The following TEX10 variants were observed in gnomAD, a reference collection of about 807,000 sequenced individuals.
TEX10 encodes testis-expressed protein 10.
In TEX10, 24 loss-of-function variants were observed where a neutral mutation model predicts 104.4. The observed-to-expected ratio is 0.23, with a 90% CI of 0.17 to 0.32. The LOEUF is 0.32. Ranked by LOEUF, TEX10 falls within the 10% of genes least tolerant of loss-of-function variation. The pLI, the probability that TEX10 is intolerant of heterozygous loss-of-function variation, is 1.00. For missense variants in TEX10, 921 were observed against 1,083.9 expected, an observed-to-expected ratio of 0.85 and a Z score of 2.11; for synonymous variants, 396 against 393.4, an observed-to-expected ratio of 1.01 and a Z score of -0.08.
At chr9:100,307,192 T>C (rs139388474) in intron 13 of TEX10, 1 of 152,340 alleles carries the variant, frequency 6.6e-6, no homozygotes, top group Non-Finnish European at 1.5e-5. Flanking sequence ...GGCTAAGTTA[T>C]GGTACATGCA....
chr9:100,352,440 G>A, intron 1 of TEX10: 10 of 1,551,738 alleles, frequency 6.4e-6, no homozygotes, highest in Non-Finnish European at 8.7e-6. Flanking sequence ...GGAAACCATC[G>A]TTCCTCCTAC....
At chr9:100,315,175 A>G (rs1834385191) in intron 11 of TEX10, among the ~76,000 whole-genome samples, 1 of 152,148 alleles carries the variant, frequency 6.6e-6, no homozygotes. Context: ...GACCTACCAT[A>G]TGGTCTATCT....
At position 100,329,210 on chromosome 9, in the gene TEX10, C is replaced by G. The variant is rs1352777510; in HGVS notation, c.1555G>C (p.Val519Leu). 1 of 1,612,918 alleles carries G rather than the reference C, an allele frequency of 6.2e-7. No individual in the cohort carries two copies. The highest frequency in any genetic ancestry group is 1.3e-5 in the African/African-American group (1 of 74,870). Residue 519 changes from valine (V) to leucine (L), a missense_variant, in exon 7 of 15, where the codon GTT becomes CTT. Around this residue, in one of 3 missense-constraint regions of TEX10, gnomAD observed 753 missense variants for 868.4 expected, o/e 0.87. Coordinates refer to ENST00000374902, the MANE Select transcript of TEX10 (RefSeq NM_017746.4). ...LYQQRGLILP[V>L]RTLLLKFFSK... ...AAAAACTTCAATAACAAAGTCCGAACTGGAAGGATAAGGCCCCTCTGCTGA... is the reference window on the plus strand; with the variant it reads ...AAAAACTTCAATAACAAAGTCCGAAGTGGAAGGATAAGGCCCCTCTGCTGA...
Position 100,321,736 on chromosome 9 carries a change from T to A in TEX10, c.2015A>T (p.Asp672Val). Residue 672 changes from aspartate (D) to valine (V), a missense_variant, in exon 10 of 15, where the codon GAC becomes GTC. Transcript: ENST00000374902. ...ATAGTCTACATCACTCATCAACCAG[T>A]CTTTAGCTGAATACTTCCACCCAGA... ...SFSGWKYSAK[D>V]WLMSDVDYFS... 1 of 1,612,664 alleles carries A rather than the reference T, an allele frequency of 6.2e-7. No individual in the cohort carries two copies. Among genetic ancestry groups the A allele is most frequent in the East Asian group, 2.2e-5 (1 of 44,768 alleles).
At chr9:100,344,228 T>C (rs1443945177) in intron 4 of TEX10, among the ~76,000 whole-genome samples, 3 of 152,180 alleles carry the variant, frequency 2.0e-5, no homozygotes, top group African/African-American at 7.2e-5. Flanking sequence ...TCTTCAACAG[T>C]CTACGCAGTC....
intron 11 of TEX10, among the ~76,000 whole-genome samples, chr9:100,319,714 G>A (rs946681067): frequency 6.6e-6 from 1 of 152,124 alleles, no homozygotes; most frequent in African/African-American, 2.4e-5. Flanking sequence ...GCTGAGGCAG[G>A]AGAATCACTT....
At chr9:100,307,273 T>C (rs979763810) in intron 13 of TEX10, 10 of 152,238 alleles carry the variant, frequency 6.6e-5, no homozygotes, top group African/African-American at 2.2e-4. Flanking sequence ...TGGTAAGTAT[T>C]TGTAAATAGT....
intron 4 of TEX10, among the ~76,000 whole-genome samples, chr9:100,344,112 T>C (rs994635354): frequency 6.6e-6 from 1 of 152,234 alleles, no homozygotes; most frequent in African/African-American, 2.4e-5. Context: ...TTATTACAAA[T>C]CTGCCAAGGT....
At chr9:100,338,579 T>C (rs1174652347) in intron 5 of TEX10, among the ~76,000 whole-genome samples, 1 of 152,138 alleles carries the variant, frequency 6.6e-6, no homozygotes, top group Non-Finnish European at 1.5e-5. Context: ...ATTATTTACA[T>C]TAAATTCTCT....
At position 100,302,248 on chromosome 9, in the gene TEX10, G is replaced by A. The variant is rs7472; in HGVS notation, c.2733C>T (p.Phe911=). ...GGGGATGCCCAGTGATATACACGTTGAAGCAGTAATGTAAGTCTGTGAGCC... is the reference window on the plus strand; with the variant it reads ...GGGGATGCCCAGTGATATACACGTTAAAGCAGTAATGTAAGTCTGTGAGCC... ...EQWLTDLHYC[F]NVYITGHPQG... Residue 911 remains phenylalanine (F), a synonymous_variant, in exon 15 of 15, where the codon TTC becomes TTT. Transcript: ENST00000374902. 628,920 of 1,610,404 alleles carry A rather than the reference G, an allele frequency of 0.39. 140,895 individuals are homozygous for A. Among genetic ancestry groups the A allele is most frequent in the East Asian group, 0.91 (40,967 of 44,840 alleles).
At chr9:100,340,445 C>T (rs1425871202) in intron 4 of TEX10, 76 bp from the exon 5 acceptor site, 1 of 822,808 alleles carries the variant, frequency 1.2e-6, no homozygotes, top group Non-Finnish European at 1.9e-6. Context: ...AGAGAAATGA[C>T]AACTTGTCAA....
chr9:100,339,354 TTATATATTTATATATATTTA>T (rs994732607), intron 5 of TEX10, among the ~76,000 whole-genome samples: 1 of 82,272 alleles, frequency 1.2e-5, no homozygotes, highest in Non-Finnish European at 2.0e-5. Context: ...ATATACATTT[TTATATATTTATATATATTTA>T]TATATATTTA....
At chr9:100,337,084 C>G (rs4743394) in intron 5 of TEX10, among the ~76,000 whole-genome samples, 69,006 of 152,018 alleles carry the variant, frequency 0.45, 17,354 homozygotes, top group East Asian at 0.89. Flanking sequence ...TCAGGACCAA[C>G]TCTTTGTTAC....
Position 100,346,980 on chromosome 9 carries a change from C to T in TEX10, c.607G>A (p.Asp203Asn), listed in dbSNP as rs1313724399. 1.2e-6 allele frequency: 2 copies of T among 1,614,092 alleles called. No individual in the cohort carries two copies. Among genetic ancestry groups the T allele is most frequent in the Non-Finnish European group, 1.7e-6 (2 of 1,180,038 alleles). The part of the protein sequence containing the change: ...QQLSKGLINR[D>N]RSQSWILSVN... ...GAAAGTATCCAGGACTGGGATCTGT[C>T]TCTATTTATCAGTCCTTTGGACAGC... is the stretch of plus-strand genomic sequence containing the variant. Residue 203 changes from aspartate to asparagine, a missense_variant, in exon 3 of 15, where the codon GAC becomes AAC. Physicochemically the swap from Asp to Asn is conservative, Grantham distance 23. Around this residue, in one of 3 missense-constraint regions of TEX10, gnomAD observed 753 missense variants for 868.4 expected, o/e 0.87. Coordinates refer to ENST00000374902, the MANE Select transcript of TEX10 (RefSeq NM_017746.4).
chr9:100,328,188 G>C (rs932969234), intron 7 of TEX10, among the ~76,000 whole-genome samples: 3 of 152,144 alleles, frequency 2.0e-5, no homozygotes, highest in Admixed American at 6.5e-5. Context: ...TATCTAAATT[G>C]TATTTTTATT....
At chr9:100,327,487 T>C (rs111886973) in intron 8 of TEX10, among the ~76,000 whole-genome samples, 1 of 151,596 alleles carries the variant, frequency 6.6e-6, no homozygotes, top group Non-Finnish European at 1.5e-5. Flanking sequence ...TAAAGATATG[T>C]CTTGCCATCA....
At chr9:100,316,811 T>C (rs1156766238) in intron 11 of TEX10, among the ~76,000 whole-genome samples, 1 of 134,402 alleles carries the variant, frequency 7.4e-6, no homozygotes, top group African/African-American at 2.9e-5. Flanking sequence ...AGATGTAAGA[T>C]CAACATACAA....
chr9:100,348,441 T>TA (rs1348988084), intron 2 of TEX10, among the ~76,000 whole-genome samples: 1 of 152,224 alleles, frequency 6.6e-6, no homozygotes, highest in African/African-American at 2.4e-5. Flanking sequence ...ATAAAGCTGT[T>TA]AGATTCTTAA....
chr9:100,352,063 T>C (rs1191828381), intron 1 of TEX10, among the ~76,000 whole-genome samples: 1 of 152,214 alleles, frequency 6.6e-6, no homozygotes, highest in African/African-American at 2.4e-5. Context: ...TTTTAGGATT[T>C]CAATCGAACT....
Sources: gnomAD v4.1 joint callset for allele counts (sites outside exome capture counted in the v4.1 genomes callset) on GRCh38, gnomAD v4.1.1 for gene constraint, gnomAD v4.1.1 regional missense constraint, MANE v1.5 for transcripts, NCBI Gene and HGNC (gene_info 2026-07-23, HGNC 2026-07-21) for gene names.